Variants in PCLO observed in about 807,000 individuals in gnomAD.
PCLO encodes the protein protein piccolo.
PCLO carries 82 observed loss-of-function variants against 427.5 expected under a neutral mutation model. The ratio of observed to expected loss-of-function variants is 0.19; its 90% CI spans 0.16 to 0.23. The LOEUF is 0.23. PCLO is among the 10% of genes least tolerant of loss of function. The probability of loss-of-function intolerance (pLI) is 1.00; values close to 1 mark genes in which losing one functional copy is unlikely to be tolerated. For missense variants in PCLO, 6,239 were observed against 6,115.9 expected, an observed-to-expected ratio of 1.02 and a Z score of -0.67; for synonymous variants, 2,357 against 2,155.4, an observed-to-expected ratio of 1.09 and a Z score of -2.59.
In PCLO at chr7:83,067,691, A is replaced by T. The variant is rs1400556354; in HGVS notation, c.3300+66559T>A. 3.3e-5 allele frequency among the ~76,000 whole-genome samples: 5 copies of T among 152,336 alleles called. No individual in the cohort carries two copies. The South Asian group carries it at 1.0e-3, about 32-fold the overall frequency. ...GGTTTGGGTTCGTGATTAAAGATCC[A>T]TATCTTTCCTTGTTTAACATGACTT... On this transcript the variant is annotated intron_variant, in intron 3 of 24. Transcript: ENST00000333891.
chr7:83,131,832 A>C (rs73389681), intron 3 of PCLO, among the ~76,000 whole-genome samples: 8,141 of 152,108 alleles, frequency 0.054, 746 homozygotes, highest in African/African-American at 0.19. Flanking sequence ...TCCTGAGAGA[A>C]ATGAAGAAAG....
intron 9 of PCLO, among the ~76,000 whole-genome samples, chr7:82,892,587 T>G (rs1053782220): frequency 3.3e-5 from 5 of 151,666 alleles, no homozygotes; most frequent in South Asian, 4.1e-4. Flanking sequence ...GGGATCTAAT[T>G]AAACTAAAGA....
rs767490084 is a variant in PCLO, at chr7:82,956,667, T to A, written c.4286A>T (p.Asp1429Val). The A allele has an allele frequency of 1.2e-6, 2 of 1,613,848 alleles. No homozygotes were observed. Among genetic ancestry groups the A allele is most frequent in the South Asian group, 2.2e-5 (2 of 91,082 alleles). Reference sequence around the variant, plus strand: ...TTGTGTTTTCTTTTCTGACTTTTCATCAGCAAGTGTACTTGCTTGAGCTTC... The same window carrying A: ...TTGTGTTTTCTTTTCTGACTTTTCAACAGCAAGTGTACTTGCTTGAGCTTC... ...ILEAQASTLA[D>V]EKSEKKTQPH... is the part of the protein sequence containing the mutation. Residue 1429 changes from aspartate to valine, a missense_variant, in exon 5 of 25, where the codon GAT (aspartate) becomes GTT (valine). By Grantham distance (152) the Asp-to-Val change is radical. This residue lies in a region of PCLO where 4,677 missense variants were observed against 4,468.4 expected (regional missense o/e 1.05). Transcript: ENST00000333891.
At chr7:82,841,532 T>G (rs757665406) in intron 13 of PCLO, 23 bp from the exon 14 acceptor site, 35 of 1,358,224 alleles carry the variant, frequency 2.6e-5, no homozygotes, top group Non-Finnish European at 3.6e-5. Flanking sequence ...AGAACATATA[T>G]TACATTAATA....
chr7:82,937,194 A>T (rs2116364650), intron 6 of PCLO, among the ~76,000 whole-genome samples: 1 of 151,836 alleles, frequency 6.6e-6, no homozygotes, highest in Admixed American at 6.6e-5. Flanking sequence ...TTTAAAAGGT[A>T]TCATTACTGT....
chr7:82,966,223 C>T lies in PCLO; in HGVS notation c.3565G>A (p.Val1189Ile). The change falls in exon 4 of 25, where the codon GTA (valine) becomes ATA (isoleucine). Residue 1189 changes from valine to isoleucine, a missense_variant. Val to Ile is a conservative substitution (Grantham distance 29). Transcript: ENST00000333891. The stretch of plus-strand genomic sequence containing the variant: ...TCTTCTTGTTTTTGATCTGTGGTTA[C>T]CATAGGAGGAATTTTTTCCATTGAT... ...TLSMEKIPPM[V>I]TTDQKQEESK... The T allele has an allele frequency of 6.2e-7, 1 of 1,604,134 alleles. No individual in the cohort carries two copies. Among genetic ancestry groups the T allele is most frequent in the Non-Finnish European group, 8.5e-7 (1 of 1,175,884 alleles).
In PCLO at chr7:82,801,566, C is replaced by T. The variant is rs1583989690; in HGVS notation, c.14959G>A (p.Glu4987Lys). ...RIGKMGQNGQ[E>K]PVKQPGVGVG... ...CCTACCCCTGGCTGTTTTACAGGCT[C>T]TTGTCCATTCTGTCCCATCTTCCCT... Residue 4987 changes from glutamate to lysine, a missense_variant, in exon 22 of 25, where the codon GAG (glutamate) becomes AAG (lysine). Glu to Lys is a moderately conservative substitution (Grantham distance 56). This residue lies in a region of PCLO where 877 missense variants were observed against 925.5 expected (regional missense o/e 0.95). Coordinates refer to ENST00000333891, the MANE Select transcript of PCLO (RefSeq NM_033026.6). 2.5e-6 allele frequency: 4 copies of T among 1,592,284 alleles called. No homozygotes were observed. Among genetic ancestry groups the T allele is most frequent in the South Asian group, 1.1e-5 (1 of 90,506 alleles).
intron 14 of PCLO, 57 bp from the exon 15 acceptor site, chr7:82,838,399 T>C (rs906527729): frequency 9.9e-6 from 10 of 1,007,978 alleles, no homozygotes; most frequent in Non-Finnish European, 1.4e-5. Flanking sequence ...TACATTATCA[T>C]TCAATATTTA....
At chr7:83,056,239 C>G (rs1158722930) in intron 3 of PCLO, among the ~76,000 whole-genome samples, 1 of 151,822 alleles carries the variant, frequency 6.6e-6, no homozygotes, top group Non-Finnish European at 1.5e-5. Flanking sequence ...TTTTGAGATC[C>G]TTATGCACAA....
At chr7:82,940,875 G>C (rs1023362297) in intron 6 of PCLO, among the ~76,000 whole-genome samples, 11 of 145,638 alleles carry the variant, frequency 7.6e-5, no homozygotes, top group African/African-American at 2.8e-4. Flanking sequence ...CCATTCTCCT[G>C]TCTTAGCCTC....
chr7:82,941,440 C>T (rs1293538193), intron 6 of PCLO, among the ~76,000 whole-genome samples: 1 of 152,108 alleles, frequency 6.6e-6, no homozygotes, highest in Admixed American at 6.6e-5. Context: ...GCTGTTAATA[C>T]TGGGGTCTTA....
intron 6 of PCLO, among the ~76,000 whole-genome samples, chr7:82,921,283 AAAACAAAC>A (rs149963889): frequency 0.039 from 5,934 of 151,854 alleles, 387 homozygotes; most frequent in African/African-American, 0.13. Flanking sequence ...ATCCTAAGCA[AAAACAAAC>A]AAACAAACAA....
At chr7:82,829,447 A>AT (rs1792036558) in intron 16 of PCLO, among the ~76,000 whole-genome samples, 1 of 152,184 alleles carries the variant, frequency 6.6e-6, no homozygotes, top group African/African-American at 2.4e-5. Context: ...TTGGTGTTTC[A>AT]TAACACTTCA....
chr7:82,846,397 C>T (rs1212912938), intron 12 of PCLO, among the ~76,000 whole-genome samples, 170 bp downstream of exon 12: 4 of 152,028 alleles, frequency 2.6e-5, no homozygotes, highest in Admixed American at 6.6e-5. Context: ...CTACAATGCC[C>T]TAGATTTTGT....
rs146963251 is a variant in PCLO, at chr7:82,776,410, T to G, written c.15008-14917A>C. Among the ~76,000 whole-genome samples the G allele has an allele frequency of 9.6e-3, 1,464 of 152,002 alleles. 27 individuals are homozygous for G. Among genetic ancestry groups the G allele is most frequent in the African/African-American group, 0.033 (1,374 of 41,432 alleles). On this transcript the variant is annotated intron_variant, in intron 22 of 24. Transcript: ENST00000333891. The stretch of plus-strand genomic sequence containing the variant: ...GAGTTCCAGATCATCCTGGCCAACA[T>G]GATGAAACCCTGCCTCTACTAAAAA...
intron 8 of PCLO, among the ~76,000 whole-genome samples, chr7:82,906,742 T>C (rs958282197): frequency 6.6e-6 from 1 of 152,052 alleles, no homozygotes; most frequent in Non-Finnish European, 1.5e-5. Context: ...CTGTTCACTT[T>C]TAATCAGCTT....
In PCLO at chr7:83,134,964, C is replaced by T. The variant is rs1791681654; in HGVS notation, c.2586G>A (p.Met862Ile). ...KEEPKKAQTK[M>I]SPKPDAKPMP... ...TTGGCTTGGCATCTGGTTTAGGACT[C>T]ATTTTGGTTTGTGCTTTCTTGGGTT... The change falls in exon 3 of 25, where the codon ATG (methionine) becomes ATA (isoleucine). Residue 862 changes from methionine to isoleucine, a missense_variant. Coordinates refer to ENST00000333891, the MANE Select transcript of PCLO (RefSeq NM_033026.6). 1.9e-6 allele frequency: 3 copies of T among 1,612,154 alleles called. No individual in the cohort carries two copies. Among genetic ancestry groups the T allele is most frequent in the Non-Finnish European group, 1.7e-6 (2 of 1,179,290 alleles).
rs1437822495 is a variant in PCLO, at chr7:82,757,115, A to T, written c.*1460T>A. ...ATATATAATTGTTTTTATCCTATAG[A>T]TAAGAAAACTGGGGTAAAGTGAGTG... is the stretch of plus-strand genomic sequence containing the variant. On this transcript the variant is annotated 3_prime_UTR_variant, in exon 25 of 25. Transcript: ENST00000333891. 1 of 152,084 alleles carries T rather than the reference A, an allele frequency of 6.6e-6. No individual in the cohort carries two copies. The highest frequency in any genetic ancestry group is 6.6e-5 in the Admixed American group (1 of 15,238). 9.4% of individuals were successfully genotyped at this position (152,084 alleles called of 1,614,324 possible). A position where few individuals can be genotyped will look rare whatever the true frequency, so the allele number is the denominator to read the frequency against.
intron 10 of PCLO, among the ~76,000 whole-genome samples, chr7:82,851,213 G>T (rs1217099464): frequency 6.6e-6 from 1 of 151,748 alleles, no homozygotes; most frequent in Admixed American, 6.6e-5. Context: ...TTCTTTGTGG[G>T]TATGTATTTG....
Sources: allele counts gnomAD v4.1 joint callset (sites outside exome capture counted in the v4.1 genomes callset), GRCh38; gene constraint gnomAD v4.1.1; regional missense constraint gnomAD v4.1.1; transcripts MANE v1.5; gene names NCBI Gene and HGNC (gene_info 2026-07-23, HGNC 2026-07-21).